Variants in PITPNC1 observed in about 807,000 individuals in gnomAD.
PITPNC1 encodes the protein phosphatidylinositol transfer protein cytoplasmic 1, also known as cytoplasmic phosphatidylinositol transfer protein 1.
A neutral mutation model predicts 44.7 loss-of-function variants in PITPNC1; 18 were observed. The ratio of observed to expected loss-of-function variants is 0.40; its 90% CI spans 0.28 to 0.60. The LOEUF is 0.60. PITPNC1 is among the 20% of genes least tolerant of loss of function. PITPNC1 has a pLI of 0.39. For synonymous variants in PITPNC1, 141 were observed against 149.6 expected (o/e 0.94, Z 0.42); for missense variants, 290 against 418.4 (o/e 0.69, Z 2.68).
chr17:67,644,425 ATTTTTTTTTTT>A (rs750245444), intron 6 of PITPNC1, among the ~76,000 whole-genome samples: 3 of 108,972 alleles, frequency 2.8e-5, no homozygotes, highest in Admixed American at 1.0e-4. Context: ...TCCCTCTGTA[ATTTTTTTTTTT>A]TTTTTTTTTT....
At chr17:67,632,031 G>A (rs1430592224) in intron 5 of PITPNC1, 112 bp from the exon 6 acceptor site, 10 of 650,266 alleles carry the variant, frequency 1.5e-5, no homozygotes, top group African/African-American at 3.6e-5. Context: ...AGCACTAGCC[G>A]GGGGCCCTGA....
intron 1 of PITPNC1, among the ~76,000 whole-genome samples, chr17:67,409,905 T>A (rs558853651): frequency 6.6e-6 from 1 of 152,334 alleles, no homozygotes; most frequent in Admixed American, 6.5e-5. Flanking sequence ...ATGTATTTAT[T>A]TATTCTTTGT....
intron 5 of PITPNC1, among the ~76,000 whole-genome samples, chr17:67,631,657 A>AAATATATATATATATATATATATATATAT (rs1555574522): frequency 1.3e-4 from 1 of 7,680 alleles, no homozygotes; most frequent in Non-Finnish European, 2.9e-4. Flanking sequence ...AAAAAAAAAA[A>AAATATATATATATATATATATATATATAT]ATATATATAT....
At chr17:67,387,413 C>T (rs2038071315) in intron 1 of PITPNC1, among the ~76,000 whole-genome samples, 1 of 152,230 alleles carries the variant, frequency 6.6e-6, no homozygotes, top group Admixed American at 6.5e-5. Flanking sequence ...CGCCTGTAAT[C>T]CCAGCACTTT....
intron 1 of PITPNC1, among the ~76,000 whole-genome samples, chr17:67,482,710 T>C (rs1420047890): frequency 1.3e-5 from 2 of 152,350 alleles, no homozygotes; most frequent in African/African-American, 4.8e-5. Context: ...CAGGAAAATC[T>C]GGTTTCGGAA....
At chr17:67,479,854 A>G (rs2039680021) in intron 1 of PITPNC1, among the ~76,000 whole-genome samples, 1 of 152,176 alleles carries the variant, frequency 6.6e-6, no homozygotes, top group African/African-American at 2.4e-5. Context: ...GTTCATTTCT[A>G]TTTCAATGGT....
At chr17:67,512,358 AGG>A (rs925523950) in intron 1 of PITPNC1, among the ~76,000 whole-genome samples, 7 of 151,988 alleles carry the variant, frequency 4.6e-5, no homozygotes, top group African/African-American at 1.7e-4. Context: ...AAAATTAGTC[AGG>A]CGTGATGATG....
intron 1 of PITPNC1, among the ~76,000 whole-genome samples, chr17:67,528,512 T>C (rs1433421278): frequency 1.3e-5 from 2 of 152,236 alleles, no homozygotes; most frequent in Admixed American, 6.5e-5. Context: ...TGTTGTGGCC[T>C]TTATTCAACA....
intron 1 of PITPNC1, among the ~76,000 whole-genome samples, chr17:67,407,918 A>T (rs931576489): frequency 6.6e-6 from 1 of 152,168 alleles, no homozygotes. Context: ...TGAAAACCCA[A>T]TCGCTGTGCT....
chr17:67,561,679 G>A (rs1032948447), intron 4 of PITPNC1, among the ~76,000 whole-genome samples: 1 of 152,200 alleles, frequency 6.6e-6, no homozygotes, highest in Admixed American at 6.5e-5. Flanking sequence ...GAGAAGGCTT[G>A]CCGTCTGAAA....
intron 4 of PITPNC1, among the ~76,000 whole-genome samples, chr17:67,576,514 CT>C (rs1568048240): frequency 6.6e-6 from 1 of 152,198 alleles, no homozygotes; most frequent in Non-Finnish European, 1.5e-5. Context: ...CAGGCCAAGT[CT>C]GGTTTCCCCA....
intron 1 of PITPNC1, among the ~76,000 whole-genome samples, chr17:67,412,549 C>G (rs1055343894): frequency 5.9e-5 from 9 of 152,122 alleles, no homozygotes; most frequent in Non-Finnish European, 1.0e-4. Context: ...GTTTCATCTT[C>G]TTACATATTT....
chr17:67,627,681 T>C (rs531277302), intron 5 of PITPNC1, among the ~76,000 whole-genome samples: 1 of 152,134 alleles, frequency 6.6e-6, no homozygotes, highest in Non-Finnish European at 1.5e-5. Flanking sequence ...AGAGGCGGTT[T>C]TGTTTTTGTT....
At chr17:67,670,894 T>C (rs1279100680) in intron 7 of PITPNC1, among the ~76,000 whole-genome samples, 1 of 152,158 alleles carries the variant, frequency 6.6e-6, no homozygotes, top group Non-Finnish European at 1.5e-5. Flanking sequence ...GCTGCTGCTG[T>C]TGTTTTGAGA....
intron 5 of PITPNC1, among the ~76,000 whole-genome samples, chr17:67,625,425 C>T (rs2041883952): frequency 6.6e-6 from 1 of 152,112 alleles, no homozygotes; most frequent in African/African-American, 2.4e-5. Flanking sequence ...CTCCAAGAGC[C>T]GGGAGTTGTA....
chr17:67,482,716 C>T (rs749906289), intron 1 of PITPNC1, among the ~76,000 whole-genome samples: 16 of 152,166 alleles, frequency 1.1e-4, no homozygotes, highest in Non-Finnish European at 2.1e-4. Flanking sequence ...AATCTGGTTT[C>T]GGAAGCCCCA....
intron 8 of PITPNC1, among the ~76,000 whole-genome samples, chr17:67,691,864 C>T (rs978242060): frequency 5.3e-5 from 8 of 151,980 alleles, no homozygotes; most frequent in Non-Finnish European, 2.9e-5. Flanking sequence ...AAAAATTAAA[C>T]CAGGCATTAT....
chr17:67,502,264 T>C (rs2040041310), intron 1 of PITPNC1, among the ~76,000 whole-genome samples: 2 of 151,010 alleles, frequency 1.3e-5, no homozygotes, highest in African/African-American at 4.9e-5. Context: ...TCATAATCCG[T>C]GTTTTAAGAT....
At chr17:67,397,745 C>A (rs2038241069) in intron 1 of PITPNC1, among the ~76,000 whole-genome samples, 6 of 152,098 alleles carry the variant, frequency 3.9e-5, no homozygotes, top group Admixed American at 3.9e-4. Flanking sequence ...TTTCTTGGAT[C>A]TTTTTGAATT....
Sources: allele counts gnomAD v4.1 joint callset (sites outside exome capture counted in the v4.1 genomes callset), GRCh38; gene constraint gnomAD v4.1.1; transcripts MANE v1.5; gene names NCBI Gene and HGNC (gene_info 2026-07-23, HGNC 2026-07-21).